Variants in RBFOX1 observed in about 807,000 individuals in gnomAD.
RBFOX1 encodes the protein RNA binding protein fox-1 homolog 1.
RBFOX1 carries 8 observed loss-of-function variants against 57.7 expected under a neutral mutation model. That is an observed-to-expected ratio of 0.14 (90% CI 0.08 to 0.25). RBFOX1 has a LOEUF of 0.25. Among genes scored for constraint, RBFOX1 ranks in the 10% least tolerant of loss-of-function variants. The probability of loss-of-function intolerance (pLI) is 1.00; values close to 1 mark genes in which losing one functional copy is unlikely to be tolerated. For missense variants in RBFOX1, 611 were observed against 548.5 expected, an observed-to-expected ratio of 1.11 and a Z score of -1.14; for synonymous variants, 326 against 222.4, an observed-to-expected ratio of 1.47 and a Z score of -4.15.
intron 4 of RBFOX1, among the ~76,000 whole-genome samples, chr16:5,981,596 G>A (rs2060173990): frequency 6.6e-6 from 1 of 152,110 alleles, no homozygotes; most frequent in Admixed American, 6.5e-5. Context: ...AGCCTCATGA[G>A]TAGCTGGGAT....
intron 4 of RBFOX1, among the ~76,000 whole-genome samples, chr16:5,982,682 G>T (rs547296967): frequency 6.6e-6 from 1 of 152,136 alleles, no homozygotes. Context: ...CACCACTGAG[G>T]ACGTTCCTGA....
At chr16:6,604,673 G>A (rs1201756126) in intron 2 of RBFOX1, among the ~76,000 whole-genome samples, 2 of 152,104 alleles carry the variant, frequency 1.3e-5, no homozygotes, top group African/African-American at 4.8e-5. Context: ...TGTGCATATT[G>A]AAACTTTTTA....
At chr16:6,890,964 C>T (rs914204177) in intron 3 of RBFOX1, among the ~76,000 whole-genome samples, 3 of 152,290 alleles carry the variant, frequency 2.0e-5, no homozygotes, top group South Asian at 2.1e-4. Context: ...CCCTAGAATT[C>T]GTGTGGAGTC....
intron 1 of RBFOX1, among the ~76,000 whole-genome samples, chr16:6,201,517 A>T (rs1598324434): frequency 6.6e-6 from 1 of 152,188 alleles, no homozygotes; most frequent in Non-Finnish European, 1.5e-5. Context: ...GAGGCTGAGA[A>T]GGGTAGCCCG....
chr16:6,594,705 TG>T (rs1318750954), intron 2 of RBFOX1, among the ~76,000 whole-genome samples: 1 of 146,968 alleles, frequency 6.8e-6, no homozygotes, highest in African/African-American at 2.5e-5. Context: ...CTTTTTTTTT[TG>T]AGATGTTTTT....
chr16:6,806,417 A>G (rs2086776043), intron 3 of RBFOX1, among the ~76,000 whole-genome samples: 1 of 152,182 alleles, frequency 6.6e-6, no homozygotes, highest in African/African-American at 2.4e-5. Context: ...ATACATTTGC[A>G]TCTTTTTCAA....
At chr16:5,282,680 A>T (rs554935172) in intron 1 of RBFOX1, among the ~76,000 whole-genome samples, 2 of 152,224 alleles carry the variant, frequency 1.3e-5, no homozygotes, top group Non-Finnish European at 2.9e-5. Context: ...GATTTAGGGT[A>T]TCTGGTAGAA....
intron 5 of RBFOX1, among the ~76,000 whole-genome samples, chr16:7,540,333 A>C (rs1002259534): frequency 2.6e-5 from 4 of 152,218 alleles, no homozygotes; most frequent in African/African-American, 9.7e-5. Context: ...ATATGGCACC[A>C]TGTCGGCAAT....
chr16:6,827,841 G>A (rs2092342170), intron 3 of RBFOX1, among the ~76,000 whole-genome samples: 2 of 152,286 alleles, frequency 1.3e-5, no homozygotes, highest in South Asian at 2.1e-4. Flanking sequence ...GAAACCTCAG[G>A]TCCTTCTGTT....
chr16:5,319,006 A>G (rs575073586), intron 1 of RBFOX1, among the ~76,000 whole-genome samples: 83 of 152,286 alleles, frequency 5.5e-4, no homozygotes, highest in African/African-American at 1.9e-3. Context: ...GTGCGCCTGT[A>G]GTCCCAGCTA....
chr16:6,869,053 G>A (rs1479605942), intron 3 of RBFOX1, among the ~76,000 whole-genome samples: 1 of 152,180 alleles, frequency 6.6e-6, no homozygotes, highest in Non-Finnish European at 1.5e-5. Context: ...TGGTACGAAT[G>A]AGAAATAAAC....
chr16:6,045,304 A>T (rs2095483713), intron 1 of RBFOX1, among the ~76,000 whole-genome samples: 1 of 152,206 alleles, frequency 6.6e-6, no homozygotes, highest in Admixed American at 6.5e-5. Context: ...ATACCTTTTA[A>T]GGATGGGTGA....
chr16:6,105,137 A>G (rs190272852), intron 1 of RBFOX1, among the ~76,000 whole-genome samples: 1 of 152,316 alleles, frequency 6.6e-6, no homozygotes, highest in Admixed American at 6.5e-5. Flanking sequence ...ACAGCTCATC[A>G]TTCCTCTCTC....
At chr16:6,555,984 G>A (rs1192420416) in intron 2 of RBFOX1, among the ~76,000 whole-genome samples, 2 of 152,188 alleles carry the variant, frequency 1.3e-5, no homozygotes, top group East Asian at 1.9e-4. Flanking sequence ...GTTCTTTATT[G>A]GAACCGACTA....
chr16:6,775,080 C>A (rs2079080971), intron 3 of RBFOX1, among the ~76,000 whole-genome samples: 1 of 151,154 alleles, frequency 6.6e-6, no homozygotes. Flanking sequence ...AATCCCAGCA[C>A]TTTGGGAGGC....
intron 4 of RBFOX1, among the ~76,000 whole-genome samples, chr16:7,141,665 A>G (rs2073824353): frequency 6.6e-6 from 1 of 152,190 alleles, no homozygotes; most frequent in Non-Finnish European, 1.5e-5. Context: ...ATCTAACTTT[A>G]GTGTTTACAA....
intron 1 of RBFOX1, among the ~76,000 whole-genome samples, chr16:6,156,248 C>A (rs2096837570): frequency 1.3e-5 from 2 of 152,226 alleles, no homozygotes; most frequent in South Asian, 4.1e-4. Context: ...CACTGTCCGT[C>A]ACCTTCCTCA....
At chr16:5,414,630 C>T (rs1263834216) in intron 1 of RBFOX1, among the ~76,000 whole-genome samples, 1 of 152,202 alleles carries the variant, frequency 6.6e-6, no homozygotes, top group Non-Finnish European at 1.5e-5. Flanking sequence ...GCTGGACCTC[C>T]ATGGCTTCTC....
rs552394272 is a variant in RBFOX1 at position 5,543,403 on chromosome 16, G to A, written c.259-55499G>A. ...TATTTGAGATTTAAATTCATGGGGT[G>A]AAATCAACGGCGGATTAGACATTGC... On this transcript the variant is annotated intron_variant, in intron 2 of 2. Coordinates refer to the RBFOX1 transcript ENST00000585867. 2.6e-5 allele frequency among the ~76,000 whole-genome samples: 4 copies of A among 152,278 alleles called. No individual in the cohort carries two copies. In the East Asian group the frequency reaches 7.7e-4, roughly 29 times the overall value.
Sources: allele counts gnomAD v4.1 joint callset (sites outside exome capture counted in the v4.1 genomes callset), GRCh38; gene constraint gnomAD v4.1.1; transcripts MANE v1.5; gene names NCBI Gene and HGNC (gene_info 2026-07-23, HGNC 2026-07-21).